SASH1: variants seen among roughly 807,000 people sequenced by gnomAD.
SASH1 encodes SAM and SH3 domain containing 1, also known as SAM and SH3 domain-containing protein 1.
A neutral mutation model predicts 125.2 loss-of-function variants in SASH1; 44 were observed. The observed-to-expected ratio is 0.35, with a 90% CI of 0.28 to 0.45. SASH1 has a LOEUF of 0.45. Among genes scored for constraint, SASH1 ranks in the 20% least tolerant of loss-of-function variants. The pLI is 1.00. For synonymous variants in SASH1, 639 were observed against 649.1 expected (o/e 0.98, Z 0.24); for missense variants, 1,426 against 1,614.5 (o/e 0.88, Z 2.00).
At chr6:148,388,203 C>G (rs770720207) in intron 1 of SASH1, among the ~76,000 whole-genome samples, 1 of 152,196 alleles carries the variant, frequency 6.6e-6, no homozygotes, top group Non-Finnish European at 1.5e-5. Context: ...GCGTGAGCCC[C>G]TGCGCCCGGC....
intron 2 of SASH1, among the ~76,000 whole-genome samples, chr6:148,421,283 T>A (rs1024569099): frequency 6.6e-6 from 1 of 152,108 alleles, no homozygotes; most frequent in African/African-American, 2.4e-5. Context: ...GAGTTCACTG[T>A]CTCCTTAGGG....
chr6:148,544,259 G>A lies in SASH1; in HGVS notation c.2789G>A (p.Arg930Lys). 1 of 1,614,128 alleles carries A rather than the reference G, an allele frequency of 6.2e-7. No individual in the cohort carries two copies. The highest frequency in any genetic ancestry group is 8.5e-7 in the Non-Finnish European group (1 of 1,180,026). Residue 930 changes from arginine (R) to lysine (K), a missense_variant, in exon 18 of 20, where the codon AGA becomes AAA. Around this residue, in one of 3 missense-constraint regions of SASH1, gnomAD observed 634 missense variants for 694.4 expected, o/e 0.91. Coordinates refer to ENST00000367467, the MANE Select transcript of SASH1 (RefSeq NM_015278.5). The surrounding 1 kb of genome is among the most constrained non-coding windows in gnomAD (Gnocchi z 6.4). ...CTGTCACCCCCTCAGTGTTTGCCCA[G>A]AAACTATGATGCTCAGCCTCCTGGA... ...RGLSPPQCLP[R>K]NYDAQPPGAK...
chr6:148,528,874 A>G (rs917907346), intron 12 of SASH1, among the ~76,000 whole-genome samples: 1 of 152,068 alleles, frequency 6.6e-6, no homozygotes, highest in African/African-American at 2.4e-5. Flanking sequence ...ACAACTCACC[A>G]TAATGTAGAA....
intron 2 of SASH1, among the ~76,000 whole-genome samples, chr6:148,419,356 A>C (rs1784950300): frequency 6.6e-6 from 1 of 152,196 alleles, no homozygotes; most frequent in Non-Finnish European, 1.5e-5. Flanking sequence ...TTCAAGTGTT[A>C]GTGCTTTGAA....
chr6:148,406,287 C>T (rs1407505540), intron 2 of SASH1, among the ~76,000 whole-genome samples: 6 of 151,886 alleles, frequency 4.0e-5, no homozygotes, highest in Non-Finnish European at 8.8e-5. Flanking sequence ...CATTTGGGGG[C>T]CCAGTGTGAA....
At chr6:148,238,844 C>T in the SASH1 span, among the ~76,000 whole-genome samples, 1 of 152,154 alleles carries the variant, frequency 6.6e-6, no homozygotes, top group Non-Finnish European at 1.5e-5. Flanking sequence ...CCTCCATTCC[C>T]GGTGAGTTGG....
intron 7 of SASH1, among the ~76,000 whole-genome samples, chr6:148,487,074 A>G (rs1250871048): frequency 1.6e-5 from 2 of 124,864 alleles, no homozygotes; most frequent in African/African-American, 6.3e-5. Flanking sequence ...ACAAATATAT[A>G]TATATAACAC....
chr6:148,272,209 A>C, upstream of SASH1: 2 of 289,008 alleles, frequency 6.9e-6, no homozygotes, highest in South Asian at 7.0e-5. Flanking sequence ...AAAGTTGATA[A>C]TCCCTAGGGC....
intron 1 of SASH1, among the ~76,000 whole-genome samples, chr6:148,320,043 TG>T (rs1299738031): frequency 6.6e-6 from 1 of 152,236 alleles, no homozygotes; most frequent in African/African-American, 2.4e-5. Context: ...AGAGCAGTGA[TG>T]CTGGCATATG....
chr6:148,431,238 G>A (rs1446426845), intron 2 of SASH1, among the ~76,000 whole-genome samples: 7 of 151,444 alleles, frequency 4.6e-5, no homozygotes, highest in African/African-American at 1.2e-4. Flanking sequence ...TCACTCTGTC[G>A]CCCAGGCTGG....
chr6:148,425,136 T>G (rs1409505650), intron 2 of SASH1, among the ~76,000 whole-genome samples: 5 of 152,028 alleles, frequency 3.3e-5, no homozygotes, highest in African/African-American at 1.2e-4. Context: ...AGGCATGGAG[T>G]CCAAGGTGCA....
chr6:148,220,540 C>T, the SASH1 span, among the ~76,000 whole-genome samples: 2 of 152,310 alleles, frequency 1.3e-5, no homozygotes, highest in Admixed American at 1.3e-4. Flanking sequence ...AACTACACTA[C>T]TAGTTGAACT....
chr6:148,393,673 A>G, intron 2 of SASH1: 2 of 983,966 alleles, frequency 2.0e-6, no homozygotes, highest in Non-Finnish European at 2.4e-6. Flanking sequence ...AGATGGGGCT[A>G]ATTTGGCGTG....
intron 1 of SASH1, among the ~76,000 whole-genome samples, chr6:148,385,676 C>T (rs9498023): frequency 0.23 from 34,755 of 151,988 alleles, 3,993 homozygotes; most frequent in Middle Eastern, 0.29. Context: ...TTTAATCAAT[C>T]ATGCCTGCAT....
intron 1 of SASH1, among the ~76,000 whole-genome samples, chr6:148,362,639 A>C (rs1482558714): frequency 6.6e-6 from 1 of 151,774 alleles, no homozygotes; most frequent in Non-Finnish European, 1.5e-5. Context: ...CTTTGTTTTA[A>C]AATAGTGGAA....
At chr6:148,287,430 C>G (rs1384955901) in intron 1 of SASH1, among the ~76,000 whole-genome samples, 2 of 152,230 alleles carry the variant, frequency 1.3e-5, no homozygotes, top group South Asian at 2.1e-4. Flanking sequence ...CACATCTTTT[C>G]CAGGATCCTT....
intron 2 of SASH1, among the ~76,000 whole-genome samples, chr6:148,413,603 C>T (rs977079461): frequency 1.3e-4 from 20 of 152,256 alleles, no homozygotes; most frequent in South Asian, 4.1e-4. Context: ...CAGGCTCATT[C>T]GTCATTGTGC....
intron 1 of SASH1, among the ~76,000 whole-genome samples, chr6:148,365,642 G>A (rs1782418793): frequency 6.6e-6 from 1 of 151,948 alleles, no homozygotes; most frequent in African/African-American, 2.4e-5. Context: ...CTCACATAAT[G>A]GGAGCTTTAA....
At chr6:148,258,691 C>T in the SASH1 span, among the ~76,000 whole-genome samples, 5 of 152,210 alleles carry the variant, frequency 3.3e-5, no homozygotes, top group African/African-American at 1.2e-4. Flanking sequence ...GTCATAGATT[C>T]AGTCTGTAAT....
Sources: allele counts gnomAD v4.1 joint callset (sites outside exome capture counted in the v4.1 genomes callset), GRCh38; gene constraint gnomAD v4.1.1; regional missense constraint gnomAD v4.1.1; non-coding constraint Gnocchi (gnomAD v3.1); transcripts MANE v1.5; gene names NCBI Gene and HGNC (gene_info 2026-07-23, HGNC 2026-07-21).